SHTN1: variants seen among roughly 807,000 people sequenced by gnomAD.
The protein encoded by SHTN1 is shootin-1.
Under a neutral mutation model 83.1 loss-of-function variants are expected in SHTN1, and 42 were observed. The ratio of observed to expected loss-of-function variants is 0.51; its 90% CI spans 0.39 to 0.65. The LOEUF (loss-of-function observed/expected upper bound fraction) is 0.65, where lower values mean the gene tolerates loss of function less well. Among genes scored for constraint, SHTN1 ranks in the 30% least tolerant of loss-of-function variants. The pLI, the probability that SHTN1 is intolerant of heterozygous loss-of-function variation, is 0.00. For synonymous variants in SHTN1, 224 were observed against 247.7 expected, an observed-to-expected ratio of 0.90 and a Z score of 0.90; for missense variants, 622 against 737.8, an observed-to-expected ratio of 0.84 and a Z score of 1.82.
At chr10:116,919,502 A>AG (rs1848482551) in intron 12 of SHTN1, among the ~76,000 whole-genome samples, 1 of 152,218 alleles carries the variant, frequency 6.6e-6, no homozygotes, top group Non-Finnish European at 1.5e-5. Context: ...TATAGGTCCT[A>AG]AAACCGGGGG....
chr10:117,018,861 G>A (rs1167326545), intron 2 of SHTN1, among the ~76,000 whole-genome samples: 7 of 151,880 alleles, frequency 4.6e-5, no homozygotes, highest in Non-Finnish European at 1.0e-4. Context: ...GTGAGCCACT[G>A]CGCCTGGCCT....
At chr10:116,890,539 A>G (rs1041031074) in intron 16 of SHTN1, among the ~76,000 whole-genome samples, 1 of 152,258 alleles carries the variant, frequency 6.6e-6, no homozygotes, top group African/African-American at 2.4e-5. Context: ...ATTCATATAG[A>G]TATTTTTCAC....
Position 116,979,274 on chromosome 10 carries a change from G to C in SHTN1, c.93C>G (p.Asn31Lys). 1.2e-6 allele frequency: 2 copies of C among 1,613,830 alleles called. No homozygotes were observed. Among genetic ancestry groups the C allele is most frequent in the African/African-American group, 1.3e-5 (1 of 75,042 alleles). ...IGEYEDLRAENQKTKEKCDKI... is the reference protein window; with the variant it reads ...IGEYEDLRAEKQKTKEKCDKI... ...TACAAACCTTCTCCTTTGTTTTCTG[G>C]TTCTCTGCTCTAAGGTCTTCATATT... The change falls in exon 2 of 17, where the codon AAC (asparagine) becomes AAG (lysine). Residue 31 changes from asparagine to lysine, a missense_variant. By Grantham distance (94) the Asn-to-Lys change is moderately conservative. Around this residue, in one of 3 missense-constraint regions of SHTN1, gnomAD observed 383 missense variants for 455.8 expected, o/e 0.84. Coordinates refer to ENST00000355371, the MANE Select transcript of SHTN1 (RefSeq NM_001127211.3).
chr10:116,995,228 G>A (rs1295989978), intron 1 of SHTN1, among the ~76,000 whole-genome samples: 1 of 152,072 alleles, frequency 6.6e-6, no homozygotes, highest in East Asian at 1.9e-4. Flanking sequence ...GGGTCTTCAA[G>A]GAGGTATATG....
At chr10:116,996,578 C>T (rs1246598563) in intron 1 of SHTN1, among the ~76,000 whole-genome samples, 4 of 152,200 alleles carry the variant, frequency 2.6e-5, no homozygotes. Context: ...TCTCAACTGG[C>T]TGCTCTCCAG....
chr10:116,973,657 G>T (rs1213537654), intron 2 of SHTN1, among the ~76,000 whole-genome samples: 2 of 152,198 alleles, frequency 1.3e-5, no homozygotes, highest in African/African-American at 4.8e-5. Context: ...CCGATATAAT[G>T]TGAGAAATAC....
chr10:117,040,914 CTT>C (rs1163196312), intron 2 of SHTN1, among the ~76,000 whole-genome samples: 2 of 151,456 alleles, frequency 1.3e-5, no homozygotes, highest in South Asian at 2.1e-4. Context: ...ATACTCAACT[CTT>C]TTTCTTTTAT....
At chr10:117,091,373 TCA>T (rs1228871292) in intron 1 of SHTN1, among the ~76,000 whole-genome samples, 3 of 152,178 alleles carry the variant, frequency 2.0e-5, no homozygotes, top group Non-Finnish European at 2.9e-5. Flanking sequence ...TAGCATAAGG[TCA>T]CACAGTCAAA....
At chr10:117,089,940 G>C (rs1853404620) in intron 1 of SHTN1, among the ~76,000 whole-genome samples, 1 of 152,154 alleles carries the variant, frequency 6.6e-6, no homozygotes, top group Non-Finnish European at 1.5e-5. Flanking sequence ...ATGTTGGTGA[G>C]GATGTGGAGA....
intron 2 of SHTN1, among the ~76,000 whole-genome samples, chr10:117,020,785 A>C (rs753769937): frequency 9.9e-5 from 15 of 152,174 alleles, no homozygotes; most frequent in Admixed American, 3.3e-4. Context: ...TACAAAAGCA[A>C]CAAAATTTTA....
intron 6 of SHTN1, among the ~76,000 whole-genome samples, chr10:116,951,311 T>C (rs2133420528): frequency 6.6e-6 from 1 of 152,218 alleles, no homozygotes; most frequent in Middle Eastern, 3.4e-3. Flanking sequence ...TACTCTCAGC[T>C]ATTTGGGAGG....
intron 6 of SHTN1, among the ~76,000 whole-genome samples, chr10:116,950,308 G>A (rs552733655): frequency 1.2e-3 from 188 of 152,186 alleles, no homozygotes; most frequent in African/African-American, 4.4e-3. Context: ...GGGACTACAG[G>A]CACATGCCAC....
At chr10:116,888,256 G>A (rs1409382918) in intron 16 of SHTN1, among the ~76,000 whole-genome samples, 2 of 152,200 alleles carry the variant, frequency 1.3e-5, no homozygotes, top group Admixed American at 6.5e-5. Flanking sequence ...GACATCTGCC[G>A]CTATGCTTTG....
intron 8 of SHTN1, among the ~76,000 whole-genome samples, chr10:116,942,238 A>G (rs1849401000): frequency 1.3e-5 from 2 of 148,644 alleles, no homozygotes; most frequent in Admixed American, 1.3e-4. Flanking sequence ...TTTGAGATGG[A>G]GTCTCGCTCT....
chr10:117,100,885 G>A (rs1263800141), intron 1 of SHTN1, among the ~76,000 whole-genome samples: 1 of 152,208 alleles, frequency 6.6e-6, no homozygotes, highest in East Asian at 1.9e-4. Flanking sequence ...AATGGCCCGT[G>A]TAGCTGAGAG....
upstream of SHTN1, among the ~76,000 whole-genome samples, chr10:117,006,234 T>G (rs1349100958): frequency 4.7e-5 from 1 of 21,230 alleles, no homozygotes; most frequent in Non-Finnish European, 1.2e-3. Flanking sequence ...AATGCAGTTT[T>G]TTTTTGTTTT....
intron 1 of SHTN1, among the ~76,000 whole-genome samples, chr10:117,119,587 T>C (rs1853895071): frequency 6.6e-6 from 1 of 152,148 alleles, no homozygotes; most frequent in Non-Finnish European, 1.5e-5. Flanking sequence ...TCATACACTG[T>C]TGGTGAGAAT....
rs117915509 is a variant in SHTN1 at position 117,025,830 on chromosome 10, T to C, written c.-123+22615A>G. Among the ~76,000 whole-genome samples the C allele has an allele frequency of 3.8e-3, 572 of 152,244 alleles. 2 individuals are homozygous for C. The highest frequency in any genetic ancestry group is 6.4e-3 in the Non-Finnish European group (435 of 68,006). ...AACCCTAGGCCAAAAGGGAACCTGC[T>C]GCCTTGAAGGAAAGGATGCAGTCCT... is the stretch of plus-strand genomic sequence containing the variant. On this transcript the variant is annotated intron_variant, in intron 2 of 17. Coordinates refer to the SHTN1 transcript ENST00000392901.
intron 11 of SHTN1, among the ~76,000 whole-genome samples, chr10:116,923,380 T>A (rs1012200211): frequency 2.0e-5 from 3 of 152,166 alleles, no homozygotes; most frequent in Non-Finnish European, 4.4e-5. Flanking sequence ...TTCAACTGCA[T>A]CATAAATGTC....
Sources: gnomAD v4.1 joint callset for allele counts (sites outside exome capture counted in the v4.1 genomes callset) on GRCh38, gnomAD v4.1.1 for gene constraint, gnomAD v4.1.1 regional missense constraint, MANE v1.5 for transcripts, NCBI Gene and HGNC (gene_info 2026-07-23, HGNC 2026-07-21) for gene names.